The following SRFBP1 variants were observed in gnomAD, a reference collection of about 807,000 sequenced individuals.
SRFBP1 encodes the protein serum response factor binding protein 1, also known as serum response factor-binding protein 1.
In SRFBP1, 47 loss-of-function variants were observed where a neutral mutation model predicts 45.5. The observed-to-expected ratio is 1.03, with a 90% CI of 0.82 to 1.32. The LOEUF is 1.32. Among genes scored for constraint, SRFBP1 ranks in the 40% most tolerant of loss-of-function variants. The probability of loss-of-function intolerance (pLI) is 0.00; values close to 1 mark genes in which losing one functional copy is unlikely to be tolerated. For missense variants in SRFBP1, 621 were observed against 484.6 expected (o/e 1.28, Z -2.64); for synonymous variants, 203 against 166.3 (o/e 1.22, Z -1.70).
intron 3 of SRFBP1, among the ~76,000 whole-genome samples, chr5:121,990,102 A>T (rs1025554770): frequency 6.6e-6 from 1 of 152,216 alleles, no homozygotes; most frequent in Non-Finnish European, 1.5e-5. Context: ...AAGTCATTCT[A>T]GCAAAGACAC....
At chr5:122,043,377 G>A (rs758091910) in intron 2 of SRFBP1, among the ~76,000 whole-genome samples, 6 of 152,060 alleles carry the variant, frequency 3.9e-5, no homozygotes, top group Non-Finnish European at 7.4e-5. Context: ...TGCTACACCC[G>A]GCTAGGTTTT....
chr5:122,010,994 C>T (rs1394205983), intron 4 of SRFBP1, among the ~76,000 whole-genome samples: 2 of 152,096 alleles, frequency 1.3e-5, no homozygotes, highest in Non-Finnish European at 2.9e-5. Context: ...TCTCGTGATA[C>T]AGCCAAATGG....
At chr5:122,032,628 T>G (rs189610291), downstream of SRFBP1, among the ~76,000 whole-genome samples, 11 of 152,248 alleles carry the variant, frequency 7.2e-5, no homozygotes, top group Non-Finnish European at 1.5e-4. Context: ...AATTGTCTTA[T>G]AGTACTCCAC....
chr5:122,009,625 G>C lies in SRFBP1; in HGVS notation c.271-9635G>C, dbSNP rs906591796. Among the ~76,000 whole-genome samples the C allele has an allele frequency of 2.0e-5, 3 of 152,110 alleles. No individual in the cohort carries two copies. In the East Asian group the frequency reaches 5.8e-4, roughly 29 times the overall value. On this transcript the variant is annotated intron_variant, in intron 4 of 7. Coordinates refer to ENST00000339397, the MANE Select transcript of SRFBP1 (RefSeq NM_152546.3). ...AGTTCTTGGTAAGTTTTCCGAGTAG[G>C]GTGACCACAAATAGTTAAAATGACT... is the stretch of plus-strand genomic sequence containing the variant.
chr5:122,076,466 CTT>C (rs1361119861), downstream of SRFBP1, among the ~76,000 whole-genome samples: 1 of 152,136 alleles, frequency 6.6e-6, no homozygotes, highest in Non-Finnish European at 1.5e-5. Context: ...AAGAGGAAAA[CTT>C]AGTCTTTACC....
intron 4 of SRFBP1, among the ~76,000 whole-genome samples, chr5:122,007,525 G>T (rs1321743637): frequency 6.6e-6 from 1 of 151,892 alleles, no homozygotes; most frequent in Non-Finnish European, 1.5e-5. Context: ...GCCTCGGTCT[G>T]TTGGTGCCAG....
rs949574012 is a variant in SRFBP1 at position 121,966,867 on chromosome 5, C to A, written c.36+4799C>A. On this transcript the variant is annotated intron_variant, in intron 1 of 7. Coordinates refer to ENST00000339397, the MANE Select transcript of SRFBP1 (RefSeq NM_152546.3). The stretch of plus-strand genomic sequence containing the variant: ...GGATCTTGGCTCACTGAAAGCTCCA[C>A]CTCCTGGGTTCACGCCATTCTTCTG... Among the ~76,000 whole-genome samples, 19 of 151,524 alleles carry A rather than the reference C, an allele frequency of 1.3e-4. 1 individual carries two copies. Among genetic ancestry groups the A allele is most frequent in the African/African-American group, 4.4e-4 (18 of 41,378 alleles).
intron 4 of SRFBP1, among the ~76,000 whole-genome samples, chr5:122,006,146 A>C (rs1409573574): frequency 1.3e-5 from 2 of 152,092 alleles, no homozygotes; most frequent in Non-Finnish European, 2.9e-5. Flanking sequence ...CTTTTCTGAA[A>C]GACAACTTTG....
intron 4 of SRFBP1, among the ~76,000 whole-genome samples, chr5:122,014,581 C>A (rs759007985): frequency 1.3e-5 from 2 of 151,958 alleles, no homozygotes; most frequent in African/African-American, 2.4e-5. Context: ...TTAAAAAAAT[C>A]TTCATTCATG....
intron 4 of SRFBP1, among the ~76,000 whole-genome samples, chr5:122,007,149 C>T (rs995800100): frequency 6.6e-6 from 1 of 152,050 alleles, no homozygotes; most frequent in African/African-American, 2.4e-5. Flanking sequence ...TTGGGCATGC[C>T]GGCCTGGTGA....
At position 122,020,169 on chromosome 5, in the gene SRFBP1, C is replaced by T. The variant is rs571812434; in HGVS notation, c.434C>T (p.Ser145Phe). 6.8e-6 allele frequency: 11 copies of T among 1,608,850 alleles called. No homozygotes were observed. In the East Asian group the frequency reaches 2.0e-4, roughly 29 times the overall value. ...AAGAATGCTTCAGAGGACAATCATT[C>T]TGAGAATACTTTGTATTCAAATGAT... ...SSKNASEDNH[S>F]ENTLYSNDNG... The change falls in exon 6 of 8, where the codon TCT becomes TTT. Residue 145 changes from serine to phenylalanine, a missense_variant. Coordinates refer to ENST00000339397, the MANE Select transcript of SRFBP1 (RefSeq NM_152546.3).
At chr5:122,074,092 T>C in intron 2 of SRFBP1, 1 of 1,614,178 alleles carries the variant, frequency 6.2e-7, no homozygotes, top group Non-Finnish European at 8.5e-7. Context: ...ACTTGCTTTG[T>C]GGCCTTCAGC....
At chr5:122,042,467 A>G (rs1280868097) in intron 2 of SRFBP1, among the ~76,000 whole-genome samples, 1 of 152,020 alleles carries the variant, frequency 6.6e-6, no homozygotes, top group South Asian at 2.1e-4. Context: ...TGCCCAGGCT[A>G]TTCTTGAACC....
chr5:122,071,753 T>A (rs1410654368), intron 2 of SRFBP1, among the ~76,000 whole-genome samples: 1 of 152,198 alleles, frequency 6.6e-6, no homozygotes. Context: ...GCAACCAATA[T>A]TGCTTTGCTG....
chr5:121,979,690 A>G (rs1752368779), intron 3 of SRFBP1, among the ~76,000 whole-genome samples: 1 of 152,194 alleles, frequency 6.6e-6, no homozygotes, highest in East Asian at 1.9e-4. Context: ...GGACAGGAGA[A>G]GCAAGGAGAG....
chr5:122,072,922 C>A (rs1754492427), intron 2 of SRFBP1, among the ~76,000 whole-genome samples: 1 of 152,142 alleles, frequency 6.6e-6, no homozygotes, highest in Admixed American at 6.5e-5. Context: ...ACTTGCAGAT[C>A]ACTGAAAAGG....
intron 2 of SRFBP1, among the ~76,000 whole-genome samples, chr5:122,053,894 G>A (rs1754033343): frequency 6.6e-6 from 1 of 152,110 alleles, no homozygotes; most frequent in South Asian, 2.1e-4. Context: ...GTATCCTCCA[G>A]CTGAGTTCAC....
intron 2 of SRFBP1, among the ~76,000 whole-genome samples, chr5:122,043,836 A>G (rs1753808552): frequency 6.6e-6 from 1 of 152,176 alleles, no homozygotes; most frequent in Non-Finnish European, 1.5e-5. Flanking sequence ...ATATGGAAAC[A>G]AATTATTCAT....
intron 2 of SRFBP1, chr5:122,064,039 A>G (rs1415412120): frequency 6.6e-6 from 1 of 152,068 alleles, no homozygotes; most frequent in African/African-American, 2.4e-5. Flanking sequence ...TGTGGTCTGA[A>G]TCATCATGAG....
Sources: gnomAD v4.1 joint callset for allele counts (sites outside exome capture counted in the v4.1 genomes callset) on GRCh38, gnomAD v4.1.1 for gene constraint, MANE v1.5 for transcripts, NCBI Gene and HGNC (gene_info 2026-07-23, HGNC 2026-07-21) for gene names.